The following MSRA variants were observed in gnomAD, a reference collection of about 807,000 sequenced individuals.
MSRA encodes the protein methionine sulfoxide reductase A.
In MSRA, 54 loss-of-function variants were observed where a neutral mutation model predicts 31.3. The observed-to-expected ratio is 1.73, with a 90% confidence interval of 1.39 to 2.17. The LOEUF (loss-of-function observed/expected upper bound fraction) is 2.17, where lower values mean the gene tolerates loss of function less well. Ranked by LOEUF, MSRA falls within the 30% of genes most tolerant of loss-of-function variation. The pLI, the probability that MSRA is intolerant of heterozygous loss-of-function variation, is 0.00. For missense variants in MSRA, 507 were observed against 300.9 expected (o/e 1.69, Z -5.07); for synonymous variants, 169 against 116.5 (o/e 1.45, Z -2.90).
At chr8:10,067,849 T>A (rs1216479661) in intron 1 of MSRA, among the ~76,000 whole-genome samples, 1 of 151,848 alleles carries the variant, frequency 6.6e-6, no homozygotes, top group African/African-American at 2.4e-5. Flanking sequence ...TTGCCCATAT[T>A]TCAGTTGGGT....
chr8:10,417,220 G>A (rs1405702643), intron 5 of MSRA, among the ~76,000 whole-genome samples: 1 of 152,072 alleles, frequency 6.6e-6, no homozygotes, highest in Non-Finnish European at 1.5e-5. Flanking sequence ...AGCTCCGATG[G>A]GGGCTTGTAA....
At chr8:10,397,186 G>C (rs1303691923) in intron 5 of MSRA, among the ~76,000 whole-genome samples, 1 of 152,118 alleles carries the variant, frequency 6.6e-6, no homozygotes, top group African/African-American at 2.4e-5. Flanking sequence ...ATATTTCCCT[G>C]GTCCTGTTTT....
chr8:10,180,426 G>T (rs979678675), intron 1 of MSRA, among the ~76,000 whole-genome samples: 3 of 152,096 alleles, frequency 2.0e-5, no homozygotes, highest in African/African-American at 7.2e-5. Context: ...TTTTTATGGA[G>T]GCTTCATTAT....
At chr8:10,157,896 A>G (rs1804291698) in intron 1 of MSRA, among the ~76,000 whole-genome samples, 2 of 152,232 alleles carry the variant, frequency 1.3e-5, no homozygotes, top group Non-Finnish European at 1.5e-5. Context: ...CAATTCATCT[A>G]TTTAATGTGT....
intron 1 of MSRA, among the ~76,000 whole-genome samples, chr8:10,119,412 G>A (rs553700005): frequency 2.8e-4 from 42 of 152,282 alleles, no homozygotes; most frequent in African/African-American, 9.9e-4. Flanking sequence ...ACATGTGGAC[G>A]TGCTTTCTGC....
At chr8:10,299,627 T>C (rs958413130) in intron 3 of MSRA, among the ~76,000 whole-genome samples, 7 of 152,082 alleles carry the variant, frequency 4.6e-5, no homozygotes, top group Non-Finnish European at 1.0e-4. Context: ...GAAATTAAAA[T>C]TGCTAATAAC....
intron 1 of MSRA, chr8:10,096,033 G>A (rs966423015): frequency 8.2e-6 from 12 of 1,457,422 alleles, no homozygotes; most frequent in South Asian, 1.5e-5. Flanking sequence ...CCTTCGGAAT[G>A]TGTTCAGAAC....
At position 10,371,177 on chromosome 8, in the gene MSRA, A is replaced by G. The variant is rs560579969; in HGVS notation, c.543+51188A>G. On this transcript the variant is annotated intron_variant, in intron 5 of 5. Transcript: ENST00000317173. ...TCTTTAGTTATTTTTAGGATATGTT[A>G]TTTTGGAACAAGATCGAGAAGGATG... Among the ~76,000 whole-genome samples the G allele has an allele frequency of 9.8e-5, 15 of 152,308 alleles. No homozygotes were observed. In the South Asian group the frequency reaches 1.9e-3, roughly 19 times the overall value.
chr8:10,311,975 A>C (rs987682956), intron 4 of MSRA, among the ~76,000 whole-genome samples: 1 of 152,240 alleles, frequency 6.6e-6, no homozygotes, highest in Non-Finnish European at 1.5e-5. Flanking sequence ...AAATTGTAAA[A>C]TACTTTGAAT....
intron 5 of MSRA, among the ~76,000 whole-genome samples, chr8:10,322,217 C>G (rs567061766): frequency 7.8e-4 from 102 of 131,456 alleles, no homozygotes; most frequent in African/African-American, 2.8e-3. Context: ...GAGGGAGACC[C>G]CATTATCCCC....
chr8:10,298,518 C>T (rs968094647), intron 3 of MSRA, among the ~76,000 whole-genome samples: 32 of 151,836 alleles, frequency 2.1e-4, no homozygotes, highest in African/African-American at 7.5e-4. Flanking sequence ...ATCAGTTTTG[C>T]GAGATGAAAA....
intron 1 of MSRA, among the ~76,000 whole-genome samples, chr8:10,181,189 A>C (rs1806506366): frequency 6.6e-6 from 1 of 152,336 alleles, no homozygotes; most frequent in Non-Finnish European, 1.5e-5. Context: ...ATAGTGCTAC[A>C]TGTTTCAAAG....
chr8:10,262,158 G>C (rs1188116914), intron 3 of MSRA, among the ~76,000 whole-genome samples: 1 of 152,060 alleles, frequency 6.6e-6, no homozygotes, highest in African/African-American at 2.4e-5. Flanking sequence ...TCCAGTTTTT[G>C]GCAATTATGA....
At chr8:10,151,693 G>T (rs1277320993) in intron 1 of MSRA, among the ~76,000 whole-genome samples, 1 of 152,126 alleles carries the variant, frequency 6.6e-6, no homozygotes, top group Admixed American at 6.6e-5. Context: ...AGGAGAAAGG[G>T]CGTTGAGTGC....
intron 5 of MSRA, among the ~76,000 whole-genome samples, chr8:10,364,464 A>C (rs1268112209): frequency 6.6e-6 from 1 of 152,236 alleles, no homozygotes. Flanking sequence ...TGCCCAAGGA[A>C]GAGAATTGTG....
At chr8:10,374,131 C>T (rs35661188) in intron 5 of MSRA, among the ~76,000 whole-genome samples, 1 of 152,218 alleles carries the variant, frequency 6.6e-6, no homozygotes, top group Non-Finnish European at 1.5e-5. Flanking sequence ...GTGTAGTGAG[C>T]TGATGGGCTT....
At chr8:10,069,917 A>C (rs150233163) in intron 1 of MSRA, among the ~76,000 whole-genome samples, 110 of 152,358 alleles carry the variant, frequency 7.2e-4, no homozygotes, top group African/African-American at 2.5e-3. Context: ...ATTAAAATGA[A>C]ACATGACAAA....
chr8:10,326,909 A>G (rs1341093554), intron 5 of MSRA, among the ~76,000 whole-genome samples: 1 of 152,204 alleles, frequency 6.6e-6, no homozygotes, highest in Non-Finnish European at 1.5e-5. Flanking sequence ...CATCCTGAGA[A>G]TGTGACTCCA....
rs941803519 is a variant in MSRA at position 10,148,957 on chromosome 8, A to T, written c.143-58876A>T. On this transcript the variant is annotated intron_variant, in intron 1 of 5. Coordinates refer to ENST00000317173, the MANE Select transcript of MSRA (RefSeq NM_012331.5). ...TGGCGATTGTGTGTGTCGCTGGTAA[A>T]TTTTTTTTTTTTTTTTTGAGACATA... Among the ~76,000 whole-genome samples, 5 of 136,386 alleles carry T rather than the reference A, an allele frequency of 3.7e-5. No homozygotes were observed. In the South Asian group the frequency reaches 9.5e-4, roughly 26 times the overall value. 89.5% of individuals were successfully genotyped at this position (136,386 alleles called of 152,430 possible).
Sources: gnomAD v4.1 joint callset for allele counts (sites outside exome capture counted in the v4.1 genomes callset) on GRCh38, gnomAD v4.1.1 for gene constraint, MANE v1.5 for transcripts, NCBI Gene and HGNC (gene_info 2026-07-23, HGNC 2026-07-21) for gene names.